The following STK31 variants were observed in gnomAD, a reference collection of about 807,000 sequenced individuals.
STK31 encodes serine/threonine kinase 31.
Under a neutral mutation model 129.7 loss-of-function variants are expected in STK31, and 89 were observed. That is an observed-to-expected ratio of 0.69 (90% CI 0.58 to 0.82). The LOEUF is 0.82. Ranked by LOEUF, STK31 falls within the 40% of genes least tolerant of loss-of-function variation. The pLI is 0.00. For synonymous variants in STK31, 448 were observed against 395.3 expected, an observed-to-expected ratio of 1.13 and a Z score of -1.58; for missense variants, 1,187 against 1,176.4, an observed-to-expected ratio of 1.01 and a Z score of -0.13.
chr7:23,743,960 C>T (rs1463159166), intron 8 of STK31, among the ~76,000 whole-genome samples: 1 of 151,496 alleles, frequency 6.6e-6, no homozygotes, highest in Non-Finnish European at 1.5e-5. Flanking sequence ...TGTTTTGTTG[C>T]CCAGGATAGA....
intron 8 of STK31, 31 bp from the exon 9 acceptor site, chr7:23,752,686 C>A: frequency 6.7e-7 from 1 of 1,498,946 alleles, no homozygotes; most frequent in African/African-American, 1.4e-5. Context: ...CTATTTGGGT[C>A]TCACGAGAAT....
intron 11 of STK31, among the ~76,000 whole-genome samples, chr7:23,766,237 TAATC>T (rs573344709): frequency 1.9e-4 from 29 of 152,322 alleles, no homozygotes; most frequent in Admixed American, 3.3e-4. Flanking sequence ...TTGACAATAA[TAATC>T]TATTGTTTCA....
intron 22 of STK31, among the ~76,000 whole-genome samples, chr7:23,792,596 G>C (rs1258494916): frequency 6.6e-6 from 1 of 152,098 alleles, no homozygotes; most frequent in Admixed American, 6.6e-5. Context: ...TATTTTTTCA[G>C]AAATTGACAA....
At chr7:23,744,736 T>G (rs1199933945) in intron 8 of STK31, among the ~76,000 whole-genome samples, 2 of 152,328 alleles carry the variant, frequency 1.3e-5, no homozygotes, top group East Asian at 1.9e-4. Flanking sequence ...TGTGATTTCC[T>G]CAATGGCTTA....
chr7:23,792,684 G>C (rs772911943), intron 22 of STK31, among the ~76,000 whole-genome samples: 2 of 152,116 alleles, frequency 1.3e-5, no homozygotes, highest in African/African-American at 4.8e-5. Context: ...AAAATTGAAG[G>C]ACCCAAACTA....
chr7:23,747,484 C>T (rs986247994), intron 8 of STK31, among the ~76,000 whole-genome samples: 5 of 152,082 alleles, frequency 3.3e-5, no homozygotes, highest in African/African-American at 1.2e-4. Context: ...ATTCTCCTGC[C>T]TCAGCCTCCC....
intron 22 of STK31, among the ~76,000 whole-genome samples, chr7:23,792,938 T>C (rs752857474): frequency 2.4e-4 from 36 of 152,200 alleles, no homozygotes; most frequent in Admixed American, 2.6e-4. Flanking sequence ...AGAAAGATTG[T>C]TGGAGTCCAG....
intron 18 of STK31, 61 bp from the exon 19 acceptor site, chr7:23,786,447 A>G (rs1862068): frequency 1 from 1,484,228 of 1,488,750 alleles, 739,987 homozygotes; most frequent in East Asian, 1. Context: ...AATTGGAATG[A>G]TGTATAATTA....
intron 22 of STK31, among the ~76,000 whole-genome samples, chr7:23,794,639 C>G (rs1791841291): frequency 6.6e-6 from 1 of 152,144 alleles, no homozygotes; most frequent in South Asian, 2.1e-4. Flanking sequence ...TGTTGAATGG[C>G]TTTGAGCAAA....
chr7:23,786,473 C>T (rs1225265135), intron 18 of STK31, 35 bp from the exon 19 acceptor site: 3 of 1,559,772 alleles, frequency 1.9e-6, no homozygotes, highest in South Asian at 2.6e-5. Context: ...AGATTTTCAT[C>T]TTGGAATTAC....
At chr7:23,791,455 G>A (rs1022500125) in intron 22 of STK31, 12 of 251,932 alleles carry the variant, frequency 4.8e-5, no homozygotes, top group African/African-American at 9.3e-5. Flanking sequence ...GGGACACTGG[G>A]GTCTACTTGA....
At chr7:23,789,048 A>G (rs1482453599) in intron 21 of STK31, among the ~76,000 whole-genome samples, 16 of 152,170 alleles carry the variant, frequency 1.1e-4, no homozygotes. Context: ...TGTAAATGGA[A>G]TGATACAATA....
At chr7:23,791,218 G>A (rs2128114422) in intron 22 of STK31, 1 of 953,364 alleles carries the variant, frequency 1.0e-6, no homozygotes, top group Non-Finnish European at 1.2e-6. Flanking sequence ...TAATCTGAAA[G>A]CAGTTCATGC....
intron 8 of STK31, among the ~76,000 whole-genome samples, chr7:23,750,067 T>TTCCCC (rs1788611310): frequency 3.3e-5 from 3 of 90,542 alleles, no homozygotes; most frequent in Non-Finnish European, 7.0e-5. Flanking sequence ...ATGGTTTGTT[T>TTCCCC]CCCCCCCCGC....
chr7:23,734,065 C>A (rs1787583817), intron 6 of STK31, among the ~76,000 whole-genome samples: 1 of 152,050 alleles, frequency 6.6e-6, no homozygotes, highest in Non-Finnish European at 1.5e-5. Flanking sequence ...TCCCCACACC[C>A]CCTATTTCTT....
chr7:23,712,320 C>T (rs761568168), intron 3 of STK31, 34 bp downstream of exon 3: 53 of 1,607,574 alleles, frequency 3.3e-5, no homozygotes, highest in Non-Finnish European at 4.1e-5. Flanking sequence ...CCCCCCTCAC[C>T]TCCCCCAATC....
chr7:23,719,094 C>T (rs1315801838), intron 4 of STK31, among the ~76,000 whole-genome samples: 1 of 151,850 alleles, frequency 6.6e-6, no homozygotes, highest in Non-Finnish European at 1.5e-5. Flanking sequence ...CATCTTTTCC[C>T]CATTTTTAAA....
At chr7:23,737,187 C>G (rs980944372) in intron 8 of STK31, 109 bp downstream of exon 8, 1 of 998,904 alleles carries the variant, frequency 1.0e-6, no homozygotes, top group Non-Finnish European at 1.3e-6. Context: ...CTCATTCTCT[C>G]CTTTGCTAAT....
At chr7:23,812,728 A>G (rs567660265) in intron 22 of STK31, among the ~76,000 whole-genome samples, 107 of 151,894 alleles carry the variant, frequency 7.0e-4, no homozygotes, top group African/African-American at 2.3e-3. Flanking sequence ...CCATATGCAC[A>G]TTTTATTTAG....
Sources: gnomAD v4.1 joint callset for allele counts (sites outside exome capture counted in the v4.1 genomes callset) on GRCh38, gnomAD v4.1.1 for gene constraint, MANE v1.5 for transcripts, NCBI Gene and HGNC (gene_info 2026-07-23, HGNC 2026-07-21) for gene names.